The following SHISAL2A variants were observed in gnomAD, a reference collection of about 807,000 sequenced individuals.
SHISAL2A encodes protein shisa-like-2A.
In SHISAL2A, 18 loss-of-function variants were observed where a neutral mutation model predicts 11.5. That is an observed-to-expected ratio of 1.57 (90% CI 1.08 to 2.33). The LOEUF is 2.33. Among genes scored for constraint, SHISAL2A ranks in the 30% most tolerant of loss-of-function variants. The pLI is 0.00. For synonymous variants in SHISAL2A, 94 were observed against 99.6 expected (o/e 0.94, Z 0.34); for missense variants, 261 against 250.9 (o/e 1.04, Z -0.27).
intron 2 of SHISAL2A, among the ~76,000 whole-genome samples, chr1:52,648,560 G>A (rs1189038424): frequency 6.6e-6 from 1 of 152,066 alleles, no homozygotes; most frequent in African/African-American, 2.4e-5. Context: ...TCCCTACAAT[G>A]TGCCAGACAC....
downstream of SHISAL2A, chr1:52,657,175 C>T: frequency 1.6e-6 from 2 of 1,227,242 alleles, no homozygotes; most frequent in Admixed American, 2.4e-5. Flanking sequence ...TGCTGTGGAC[C>T]CTGCCATACT....
At chr1:52,641,224 TAATC>T (rs2149876367) in intron 1 of SHISAL2A, among the ~76,000 whole-genome samples, 1 of 152,304 alleles carries the variant, frequency 6.6e-6, no homozygotes, top group Admixed American at 6.5e-5. Flanking sequence ...CCTAGCAAAT[TAATC>T]AACCCCAAGG....
chr1:52,648,477 C>T lies in SHISAL2A; in HGVS notation c.322+5475C>T, dbSNP rs1043474549. On this transcript the variant is annotated intron_variant, in intron 2 of 2. Transcript: ENST00000517870. The stretch of plus-strand genomic sequence containing the variant: ...TGAGGAAACTGAGACCCAAAGTCAC[C>T]GAATGAGTGACAGAGCCAACTCTCC... 2.0e-5 allele frequency among the ~76,000 whole-genome samples: 3 copies of T among 152,170 alleles called. No homozygotes were observed. In the East Asian group the frequency reaches 5.8e-4, roughly 29 times the overall value.
At chr1:52,653,856 G>A (rs529041854) in intron 2 of SHISAL2A, among the ~76,000 whole-genome samples, 13 of 151,942 alleles carry the variant, frequency 8.6e-5, no homozygotes, top group Middle Eastern at 3.4e-3. Context: ...GCCTCCCAAG[G>A]AGCTCAATGG....
At position 52,651,942 on chromosome 1, in the gene SHISAL2A, G is replaced by C. The variant is rs974657952; in HGVS notation, c.323-4848G>C. On this transcript the variant is annotated intron_variant, in intron 2 of 2. Transcript: ENST00000517870. ...TAGTAACAGATCTAGAGAGGTGAAG[G>C]GTTTGGCACAAAGTAGCACAATGAT... Among the ~76,000 whole-genome samples, 9 of 152,262 alleles carry C rather than the reference G, an allele frequency of 5.9e-5. No homozygotes were observed. The South Asian group carries it at 6.2e-4, about 11-fold the overall frequency.
chr1:52,667,469 A>T, exon 5 of SHISAL2A: 3 of 771,934 alleles, frequency 3.9e-6, no homozygotes, highest in Non-Finnish European at 4.7e-6. Flanking sequence ...GTGGAGACAG[A>T]TCATCACCAT....
At chr1:52,666,067 T>C (rs1014845236) in intron 4 of SHISAL2A, among the ~76,000 whole-genome samples, 2 of 152,214 alleles carry the variant, frequency 1.3e-5, no homozygotes, top group African/African-American at 4.8e-5. Context: ...TCCCAGCCCT[T>C]CTGGCCTCAC....
intron 2 of SHISAL2A, among the ~76,000 whole-genome samples, chr1:52,646,520 C>CACAT (rs1382845419): frequency 2.7e-5 from 4 of 150,910 alleles, no homozygotes; most frequent in African/African-American, 9.9e-5. Flanking sequence ...CACACACACA[C>CACAT]ACACACACAA....
chr1:52,642,879 G>A lies in SHISAL2A; in HGVS notation c.199G>A (p.Gly67Ser). 6.2e-7 allele frequency: 1 copy of A among 1,613,402 alleles called. No individual in the cohort carries two copies. The highest frequency in any genetic ancestry group is 8.5e-7 in the Non-Finnish European group (1 of 1,180,020). Reference protein sequence around the residue: ...MWWLSIGALIGLSVAAVVLLA... With the variant: ...MWWLSIGALISLSVAAVVLLA... ...TCTTCCCAGCATTGGCGCTCTCATA[G>A]GCCTGTCCGTAGCAGCAGTGGTTCT... The change falls in exon 2 of 3, where the codon GGC becomes AGC. Residue 67 changes from glycine to serine, a missense_variant. Coordinates refer to ENST00000517870, the MANE Select transcript of SHISAL2A (RefSeq NM_001042693.3).
downstream of SHISAL2A, among the ~76,000 whole-genome samples, chr1:52,658,546 A>C (rs1691843616): frequency 6.6e-6 from 1 of 152,232 alleles, no homozygotes; most frequent in Non-Finnish European, 1.5e-5. Flanking sequence ...CTGGAATCTT[A>C]GTAGTATCTT....
intron 2 of SHISAL2A, among the ~76,000 whole-genome samples, chr1:52,652,249 C>T (rs1016522207): frequency 1.3e-5 from 2 of 152,196 alleles, no homozygotes; most frequent in African/African-American, 4.8e-5. Flanking sequence ...GAGGATCAGA[C>T]ATTTTTATGA....
Position 52,651,268 on chromosome 1 carries a change from C to T in SHISAL2A, c.323-5522C>T, listed in dbSNP as rs148765988. ...TTTTGTTTTTTTTGAGACGGAGTCTCGCTCTGTTGCCCAGGCTAGAGTGCA... is the reference window on the plus strand; with the variant it reads ...TTTTGTTTTTTTTGAGACGGAGTCTTGCTCTGTTGCCCAGGCTAGAGTGCA... On this transcript the variant is annotated intron_variant, in intron 2 of 2. Coordinates refer to ENST00000517870, the MANE Select transcript of SHISAL2A (RefSeq NM_001042693.3). 6.6e-4 allele frequency among the ~76,000 whole-genome samples: 100 copies of T among 152,226 alleles called. No homozygotes were observed. In the East Asian group the frequency reaches 0.015, roughly 24 times the overall value.
intron 1 of SHISAL2A, among the ~76,000 whole-genome samples, chr1:52,637,918 C>G (rs1020453403): frequency 6.6e-6 from 1 of 152,006 alleles, no homozygotes; most frequent in Non-Finnish European, 1.5e-5. Flanking sequence ...AATTTCCTAC[C>G]CAGGGTAGGA....
intron 2 of SHISAL2A, among the ~76,000 whole-genome samples, chr1:52,655,292 C>T (rs918317597): frequency 4.0e-5 from 6 of 151,754 alleles, no homozygotes; most frequent in African/African-American, 1.5e-4. Flanking sequence ...CTTGAACAGA[C>T]ACTTCATTAA....
exon 6 of SHISAL2A, chr1:52,669,016 G>C (rs952185329): frequency 6.6e-6 from 1 of 152,198 alleles, no homozygotes. Flanking sequence ...TAATCTACCC[G>C]AGTCCTGAGC....
chr1:52,633,287 C>A lies in SHISAL2A; in HGVS notation c.-207C>A. The A allele has an allele frequency of 2.2e-6, 1 of 448,664 alleles. No individual in the cohort carries two copies. Among genetic ancestry groups the A allele is most frequent in the East Asian group, 3.9e-5 (1 of 25,938 alleles). 27.8% of individuals were successfully genotyped at this position (448,664 alleles called of 1,614,324 possible). On this transcript the variant is annotated 5_prime_UTR_variant, in exon 1 of 3. Coordinates refer to ENST00000517870, the MANE Select transcript of SHISAL2A (RefSeq NM_001042693.3). The surrounding 1 kb of genome is among the most constrained non-coding windows in gnomAD (Gnocchi z 6.4). ...CGCCGCCCGCCCCGCCTGCCCCTACCCCTCCGCGCGGGCCGGGCACCTGGC... is the reference window on the plus strand; with the variant it reads ...CGCCGCCCGCCCCGCCTGCCCCTACACCTCCGCGCGGGCCGGGCACCTGGC...
intron 2 of SHISAL2A, among the ~76,000 whole-genome samples, chr1:52,654,059 G>A (rs1691733365): frequency 6.6e-6 from 1 of 152,068 alleles, no homozygotes; most frequent in African/African-American, 2.4e-5. Context: ...CAATTGGAGA[G>A]GGATCACCAC....
intron 2 of SHISAL2A, among the ~76,000 whole-genome samples, chr1:52,655,563 CTG>C (rs1227466068): frequency 6.6e-6 from 1 of 150,814 alleles, no homozygotes; most frequent in African/African-American, 2.4e-5. Context: ...GAGGTCAAGG[CTG>C]TAGTGCGCCA....
chr1:52,645,441 T>C (rs940896517), intron 2 of SHISAL2A, among the ~76,000 whole-genome samples: 2 of 152,212 alleles, frequency 1.3e-5, no homozygotes, highest in Non-Finnish European at 2.9e-5. Context: ...AAGGTCTCAC[T>C]CCAGTTGCCC....
Sources: allele counts gnomAD v4.1 joint callset (sites outside exome capture counted in the v4.1 genomes callset), GRCh38; gene constraint gnomAD v4.1.1; non-coding constraint Gnocchi (gnomAD v3.1); transcripts MANE v1.5; gene names NCBI Gene and HGNC (gene_info 2026-07-23, HGNC 2026-07-21).